Variants in LIN28B observed in about 807,000 individuals in gnomAD.
LIN28B encodes the protein protein lin-28 homolog B.
Under a neutral mutation model 21.9 loss-of-function variants are expected in LIN28B, and 5 were observed. The ratio of observed to expected loss-of-function variants is 0.23; its 90% confidence interval spans 0.12 to 0.48. LIN28B has a LOEUF of 0.48. Ranked by LOEUF, LIN28B falls within the 20% of genes least tolerant of loss-of-function variation. LIN28B has a pLI of 0.98. For synonymous variants in LIN28B, 109 were observed against 111.3 expected, an observed-to-expected ratio of 0.98 and a Z score of 0.13; for missense variants, 245 against 310.5, an observed-to-expected ratio of 0.79 and a Z score of 1.58.
At chr6:105,070,734 C>T (rs1772318331) in intron 3 of LIN28B, among the ~76,000 whole-genome samples, 1 of 151,914 alleles carries the variant, frequency 6.6e-6, no homozygotes, top group African/African-American at 2.4e-5. Context: ...GCCCTTATCA[C>T]GCCACTGCAC....
rs146186478 is a variant in LIN28B, at chr6:104,968,064, T to C, written c.198+9778T>C. On this transcript the variant is annotated intron_variant, in intron 2 of 3. Coordinates refer to ENST00000345080, the MANE Select transcript of LIN28B (RefSeq NM_001004317.4). Reference sequence around the variant, plus strand: ...TAATGTCATAGAAAAGTATTAACTTTTAAAAAATGATTATAAAAATCGTGG... The same window carrying C: ...TAATGTCATAGAAAAGTATTAACTTCTAAAAAATGATTATAAAAATCGTGG... Among the ~76,000 whole-genome samples, 18 of 152,320 alleles carry C rather than the reference T, an allele frequency of 1.2e-4. No individual in the cohort carries two copies. In the East Asian group the frequency reaches 3.5e-3, roughly 29 times the overall value.
chr6:105,036,874 C>T lies in LIN28B; in HGVS notation c.383+10392C>T, dbSNP rs558503084. Among the ~76,000 whole-genome samples the T allele has an allele frequency of 2.0e-5, 3 of 152,090 alleles. No homozygotes were observed. The East Asian group carries it at 5.8e-4, about 29-fold the overall frequency. On this transcript the variant is annotated intron_variant, in intron 3 of 3. Coordinates refer to ENST00000345080, the MANE Select transcript of LIN28B (RefSeq NM_001004317.4). ...AGATCATATATTTATTGTATGATTT[C>T]GGTACAAGGGTATTGTGATAATTTG... is the stretch of plus-strand genomic sequence containing the variant.
chr6:104,957,525 C>T (rs1341322752), intron 1 of LIN28B, among the ~76,000 whole-genome samples: 1 of 152,056 alleles, frequency 6.6e-6, no homozygotes, highest in Non-Finnish European at 1.5e-5. Flanking sequence ...TGTGATTAAG[C>T]GCAGTTTCAG....
chr6:105,030,869 G>A (rs2114348934), intron 3 of LIN28B, among the ~76,000 whole-genome samples: 1 of 152,086 alleles, frequency 6.6e-6, no homozygotes, highest in African/African-American at 2.4e-5. Context: ...GATTACAGGC[G>A]TGAGCTACTG....
intron 2 of LIN28B, chr6:104,940,083 T>C (rs1309182877): frequency 1.9e-5 from 3 of 160,916 alleles, no homozygotes; most frequent in Non-Finnish European, 4.4e-5. Flanking sequence ...GAGTATCTTA[T>C]TGTTTAGGAA....
intron 2 of LIN28B, among the ~76,000 whole-genome samples, chr6:104,992,484 T>G (rs186546501): frequency 1.5e-5 from 2 of 135,936 alleles, no homozygotes; most frequent in Non-Finnish European, 3.1e-5. Context: ...TAAGTTTCTG[T>G]TGTGTGTGTG....
At chr6:104,993,833 C>CA (rs568787406) in intron 2 of LIN28B, among the ~76,000 whole-genome samples, 23,086 of 88,914 alleles carry the variant, frequency 0.26, 2,184 homozygotes, top group East Asian at 0.36. Context: ...GAGATTGTCT[C>CA]AAAAAAAAAA....
intron 3 of LIN28B, among the ~76,000 whole-genome samples, chr6:105,065,602 G>A (rs1010525574): frequency 3.3e-5 from 5 of 152,194 alleles, no homozygotes; most frequent in Admixed American, 6.5e-5. Flanking sequence ...CAAACTTATC[G>A]ATCATTAGAA....
Position 105,080,768 on chromosome 6 carries a change from G to A in LIN28B, c.*1985G>A, listed in dbSNP as rs1230986874. ...CAGTAAAATGCAAAACATGATAAGC[G>A]TTGCTCAATTTTTAGCAGGTATAAT... On this transcript the variant is annotated 3_prime_UTR_variant, in exon 4 of 4. Coordinates refer to ENST00000345080, the MANE Select transcript of LIN28B (RefSeq NM_001004317.4). 5 of 152,590 alleles carry A rather than the reference G, an allele frequency of 3.3e-5. No homozygotes were observed. Among genetic ancestry groups the A allele is most frequent in the Admixed American group, 6.6e-5 (1 of 15,262 alleles). 9.5% of individuals were successfully genotyped at this position (152,590 alleles called of 1,614,324 possible).
At chr6:104,938,231 G>C (rs1778035138) in intron 2 of LIN28B, among the ~76,000 whole-genome samples, 1 of 152,038 alleles carries the variant, frequency 6.6e-6, no homozygotes, top group Non-Finnish European at 1.5e-5. Flanking sequence ...GCAACAGAGT[G>C]AGACCGAGTC....
At chr6:104,942,210 G>A (rs1279814074) in intron 2 of LIN28B, among the ~76,000 whole-genome samples, 2 of 152,128 alleles carry the variant, frequency 1.3e-5, no homozygotes, top group Admixed American at 1.3e-4. Context: ...AAATACTGTG[G>A]AAGTGAAAAT....
At chr6:105,019,141 T>C (rs1448788419) in intron 2 of LIN28B, among the ~76,000 whole-genome samples, 1 of 152,062 alleles carries the variant, frequency 6.6e-6, no homozygotes, top group East Asian at 1.9e-4. Context: ...AGAGATGGGG[T>C]TTCACTATGT....
At chr6:105,051,694 G>A (rs551803033) in intron 3 of LIN28B, among the ~76,000 whole-genome samples, 67 of 151,518 alleles carry the variant, frequency 4.4e-4, no homozygotes, top group African/African-American at 1.6e-3. Context: ...TGAAGTAGTT[G>A]TAATCCTGTG....
chr6:105,023,187 C>G (rs1317037368), intron 2 of LIN28B, among the ~76,000 whole-genome samples: 5 of 105,942 alleles, frequency 4.7e-5, no homozygotes, highest in Non-Finnish European at 9.0e-5. Context: ...CTTTTTCTTG[C>G]AAAGCCATTA....
At chr6:105,068,293 A>G (rs574813517) in intron 3 of LIN28B, among the ~76,000 whole-genome samples, 96 of 152,238 alleles carry the variant, frequency 6.3e-4, no homozygotes, top group Middle Eastern at 3.4e-3. Context: ...ATATTCTTCA[A>G]TTTTTTTGTC....
chr6:104,963,392 C>A (rs1158143103), intron 2 of LIN28B, among the ~76,000 whole-genome samples: 1 of 151,994 alleles, frequency 6.6e-6, no homozygotes, highest in Non-Finnish European at 1.5e-5. Flanking sequence ...TTAATGTAGC[C>A]CTAAAGATAC....
chr6:104,980,609 T>A (rs1359055905), intron 2 of LIN28B, among the ~76,000 whole-genome samples: 1 of 152,196 alleles, frequency 6.6e-6, no homozygotes, highest in Non-Finnish European at 1.5e-5. Context: ...TTAAAACTGA[T>A]GTTAAAGGAA....
rs574097280 is a variant in LIN28B, at chr6:105,051,438, G to GA, written c.383+24967dup. Among the ~76,000 whole-genome samples, 330 of 137,120 alleles carry GA rather than the reference G, an allele frequency of 2.4e-3. 2 individuals carry two copies. Among genetic ancestry groups the GA allele is most frequent in the Middle Eastern group, 0.019 (5 of 260 alleles). The allele number at this position is 137,120 out of a possible 152,430, so 90.0% of individuals were successfully genotyped here. On this transcript the variant is annotated intron_variant, in intron 3 of 3. Coordinates refer to ENST00000345080, the MANE Select transcript of LIN28B (RefSeq NM_001004317.4). ...TGGGCGACAGAGCGAGACTCCGTCT[G>GA]AAAAAAAAAAAGAAAGAAAAAGAAA...
intron 2 of LIN28B, among the ~76,000 whole-genome samples, chr6:104,993,629 A>C (rs1029204307): frequency 3.9e-5 from 6 of 151,914 alleles, no homozygotes; most frequent in Admixed American, 1.3e-4. Flanking sequence ...CGAGGCCAGG[A>C]GTTCAAGACC....
Sources: gnomAD v4.1 joint callset for allele counts (sites outside exome capture counted in the v4.1 genomes callset) on GRCh38, gnomAD v4.1.1 for gene constraint, MANE v1.5 for transcripts, NCBI Gene and HGNC (gene_info 2026-07-23, HGNC 2026-07-21) for gene names.